KALRN: variants seen among roughly 807,000 people sequenced by gnomAD.
KALRN encodes kalirin.
A neutral mutation model predicts 353.7 loss-of-function variants in KALRN; 70 were observed. That is an observed-to-expected ratio of 0.20 (90% confidence interval 0.16 to 0.24). KALRN has a LOEUF of 0.24. Ranked by LOEUF, KALRN falls within the 10% of genes least tolerant of loss-of-function variation. KALRN has a pLI of 1.00. For missense variants in KALRN, 2,791 were observed against 3,756.7 expected (o/e 0.74, Z 6.72); for synonymous variants, 1,391 against 1,434.8 (o/e 0.97, Z 0.69).
At chr3:124,196,574 G>GT (rs2075453313) in intron 1 of KALRN, among the ~76,000 whole-genome samples, 1 of 152,112 alleles carries the variant, frequency 6.6e-6, no homozygotes, top group African/African-American at 2.4e-5. Flanking sequence ...GGCAAAAGTA[G>GT]TTTCCTATTC....
At chr3:124,252,864 T>G (rs2071378883) in intron 3 of KALRN, among the ~76,000 whole-genome samples, 1 of 152,138 alleles carries the variant, frequency 6.6e-6, no homozygotes, top group South Asian at 2.1e-4. Context: ...TACCCAGCCA[T>G]CCAGGAGGCC....
intron 1 of KALRN, among the ~76,000 whole-genome samples, chr3:124,037,933 T>G (rs979158731): frequency 6.6e-6 from 1 of 152,048 alleles, no homozygotes; most frequent in Non-Finnish European, 1.5e-5. Flanking sequence ...GGGGGGCGAC[T>G]CAGGGAAATC....
At chr3:124,428,756 A>G (rs1285256068) in intron 15 of KALRN, among the ~76,000 whole-genome samples, 3 of 152,228 alleles carry the variant, frequency 2.0e-5, no homozygotes, top group Admixed American at 6.5e-5. Context: ...ACTGAAACCC[A>G]TGATGTTTCT....
chr3:124,156,715 C>T (rs568998579), intron 1 of KALRN, among the ~76,000 whole-genome samples: 2 of 152,278 alleles, frequency 1.3e-5, no homozygotes, highest in East Asian at 3.9e-4. Context: ...TAATCTTTTT[C>T]GCATAATGCC....
chr3:124,561,035 C>T (rs2071937606), intron 33 of KALRN, among the ~76,000 whole-genome samples: 2 of 152,206 alleles, frequency 1.3e-5, no homozygotes, highest in African/African-American at 4.8e-5. Flanking sequence ...CTGATATTGA[C>T]ATTTCTGAGC....
intron 51 of KALRN, among the ~76,000 whole-genome samples, chr3:124,693,565 C>T (rs888042952): frequency 5.9e-5 from 9 of 152,090 alleles, no homozygotes; most frequent in Non-Finnish European, 8.8e-5. Flanking sequence ...TGCCTGGGGC[C>T]GCACGCTGCC....
intron 23 of KALRN, among the ~76,000 whole-genome samples, chr3:124,461,304 T>A (rs1040785567): frequency 1.3e-5 from 2 of 152,080 alleles, no homozygotes; most frequent in African/African-American, 4.8e-5. Context: ...CAAAGTTGAG[T>A]GGTTGTGACA....
At chr3:124,125,311 C>T (rs1016199361) in intron 1 of KALRN, among the ~76,000 whole-genome samples, 1 of 152,190 alleles carries the variant, frequency 6.6e-6, no homozygotes, top group African/African-American at 2.4e-5. Flanking sequence ...AATCTAGGAC[C>T]TTGGATTACA....
chr3:124,641,157 A>G (rs1344692710), intron 37 of KALRN, among the ~76,000 whole-genome samples: 1 of 152,138 alleles, frequency 6.6e-6, no homozygotes, highest in African/African-American at 2.4e-5. Context: ...CTGCTGCACA[A>G]GACCTACTGT....
intron 25 of KALRN, among the ~76,000 whole-genome samples, chr3:124,465,348 A>G (rs2060228598): frequency 6.6e-6 from 1 of 152,204 alleles, no homozygotes; most frequent in Non-Finnish European, 1.5e-5. Context: ...TACCTGGCAC[A>G]TAAGTAAACA....
intron 20 of KALRN, 76 bp from the exon 21 acceptor site, chr3:124,446,687 C>A: frequency 6.4e-7 from 1 of 1,553,598 alleles, no homozygotes; most frequent in Non-Finnish European, 8.8e-7. Context: ...CCAACAATAA[C>A]CTTCATTGTA....
At chr3:124,359,228 A>AAGCACATG (rs1450268525) in intron 10 of KALRN, among the ~76,000 whole-genome samples, 1 of 152,094 alleles carries the variant, frequency 6.6e-6, no homozygotes, top group African/African-American at 2.4e-5. Context: ...GGTGTATCTG[A>AAGCACATG]AGCACATGTA....
chr3:124,102,078 T>C (rs1327616458), intron 1 of KALRN, among the ~76,000 whole-genome samples: 1 of 152,190 alleles, frequency 6.6e-6, no homozygotes, highest in Non-Finnish European at 1.5e-5. Context: ...TAGAGGAGTT[T>C]GTTTTAATCA....
chr3:124,197,467 C>G (rs536056433), intron 1 of KALRN, among the ~76,000 whole-genome samples: 1 of 152,188 alleles, frequency 6.6e-6, no homozygotes, highest in Non-Finnish European at 1.5e-5. Context: ...TATCTTGTCT[C>G]GTAGATCCCA....
intron 10 of KALRN, among the ~76,000 whole-genome samples, chr3:124,384,212 A>G (rs1459687978): frequency 6.6e-6 from 1 of 152,132 alleles, no homozygotes; most frequent in Non-Finnish European, 1.5e-5. Context: ...GTAGCTTATG[A>G]TAAACAAAAT....
rs2086905444 is a variant in KALRN at position 124,378,669 on chromosome 3, G to T, written c.1771-6176G>T. On this transcript the variant is annotated intron_variant, in intron 10 of 59. Coordinates refer to ENST00000682506, the MANE Select transcript of KALRN (RefSeq NM_001388419.1). The stretch of plus-strand genomic sequence containing the variant: ...TTTGAAAATACTTGTGCTGGGCACA[G>T]AATTCCCAGGTTTTGTTTTTTTTTT... Among the ~76,000 whole-genome samples the T allele has an allele frequency of 3.9e-5, 5 of 128,220 alleles. No individual in the cohort carries two copies. In the Admixed American group the frequency reaches 4.3e-4, roughly 11 times the overall value. 84.1% of individuals were successfully genotyped at this position (128,220 alleles called of 152,430 possible). A position where few individuals can be genotyped will look rare whatever the true frequency, so the allele number is the denominator to read the frequency against.
intron 1 of KALRN, among the ~76,000 whole-genome samples, chr3:124,157,519 T>A (rs968539656): frequency 6.6e-6 from 1 of 152,216 alleles, no homozygotes; most frequent in African/African-American, 2.4e-5. Flanking sequence ...GGATAAGTAG[T>A]TATGTTAATA....
At chr3:124,154,180 A>G (rs1560096180) in intron 1 of KALRN, among the ~76,000 whole-genome samples, 1 of 152,194 alleles carries the variant, frequency 6.6e-6, no homozygotes, top group African/African-American at 2.4e-5. Context: ...TGTTTTAGAC[A>G]TTCCCTTTGA....
intron 47 of KALRN, among the ~76,000 whole-genome samples, chr3:124,669,000 C>A (rs1183012483): frequency 6.6e-6 from 1 of 152,166 alleles, no homozygotes; most frequent in Admixed American, 6.5e-5. Flanking sequence ...ATTGACATAA[C>A]AATAATGGCT....
Sources: allele counts gnomAD v4.1 joint callset (sites outside exome capture counted in the v4.1 genomes callset), GRCh38; gene constraint gnomAD v4.1.1; transcripts MANE v1.5; gene names NCBI Gene and HGNC (gene_info 2026-07-23, HGNC 2026-07-21).